SLC16A5: variants seen among roughly 807,000 people sequenced by gnomAD.
SLC16A5 encodes solute carrier family 16 member 5.
Under a neutral mutation model 33.2 loss-of-function variants are expected in SLC16A5, and 29 were observed. That is an observed-to-expected ratio of 0.87 (90% confidence interval 0.65 to 1.19). SLC16A5 has a LOEUF of 1.19. Among genes scored for constraint, SLC16A5 ranks in the 50% most tolerant of loss-of-function variants. The pLI is 0.00. For synonymous variants in SLC16A5, 248 were observed against 284.1 expected, an observed-to-expected ratio of 0.87 and a Z score of 1.28; for missense variants, 606 against 678.2, an observed-to-expected ratio of 0.89 and a Z score of 1.18.
chr17:75,100,700 G>A lies in SLC16A5; in HGVS notation c.1037G>A (p.Gly346Asp), dbSNP rs1046686603. Residue 346 changes from glycine to aspartate, a missense_variant, in exon 5 of 7, where the codon GGC becomes GAC. By Grantham distance (94) the Gly-to-Asp change is moderately conservative. Coordinates refer to ENST00000329783, the MANE Select transcript of SLC16A5 (RefSeq NM_004695.4). ...LAYSVSMSGI[G>D]ALIFQVLMDI... ...TACAGCGTGTCCATGAGTGGCATCG[G>A]CGCCCTCATCTTCCAGGTTCTCATG... 1 of 1,614,168 alleles carries A rather than the reference G, an allele frequency of 6.2e-7. No individual in the cohort carries two copies. Among genetic ancestry groups the A allele is most frequent in the African/African-American group, 1.3e-5 (1 of 75,028 alleles).
chr17:75,097,920 G>A, intron 3 of SLC16A5, 118 bp from the exon 4 acceptor site: 1 of 1,221,136 alleles, frequency 8.2e-7, no homozygotes, highest in South Asian at 1.6e-5. Context: ...ATCCAGGCCT[G>A]CTCGTGCCCT....
downstream of SLC16A5, among the ~76,000 whole-genome samples, chr17:75,107,146 A>C (rs2073869755): frequency 6.6e-6 from 1 of 152,058 alleles, no homozygotes; most frequent in Non-Finnish European, 1.5e-5. Context: ...CAAAAAATTT[A>C]AAACTTAGCT....
intron 3 of SLC16A5, among the ~76,000 whole-genome samples, chr17:75,094,092 G>A (rs555184518): frequency 2.0e-5 from 3 of 152,312 alleles, no homozygotes; most frequent in African/African-American, 7.2e-5. Context: ...GATCCATTCC[G>A]ACACAGGCGT....
intron 3 of SLC16A5, among the ~76,000 whole-genome samples, chr17:75,095,187 G>A (rs1191249242): frequency 6.6e-6 from 1 of 152,232 alleles, no homozygotes; most frequent in Non-Finnish European, 1.5e-5. Context: ...CTCGGAGAAA[G>A]CGCCACCCTC....
Position 75,105,976 on chromosome 17 carries a change from G to A in SLC16A5, c.1461G>A (p.Trp487Ter), listed in dbSNP as rs746083865. The change falls in exon 7 of 7, where the codon TGG (tryptophan) becomes TGA (stop). Residue 487 changes from tryptophan (W) to a stop codon, truncating the protein, a stop_gained. Transcript: ENST00000329783. LOFTEE classifies it low-confidence loss of function (END_TRUNC). Reference protein sequence around the residue: ...SSRTSHEWLLWPKAVLQAKQT... With the variant: ...SSRTSHEWLL ...GGACCAGCCATGAGTGGCTCTTATG[G>A]CCAAAGGCGGTACTGCAGGCCAAGC... 7 of 1,610,436 alleles carry A rather than the reference G, an allele frequency of 4.3e-6. No individual in the cohort carries two copies. The Admixed American group carries it at 8.4e-5, about 19-fold the overall frequency.
intron 2 of SLC16A5, among the ~76,000 whole-genome samples, chr17:75,091,002 C>G (rs1008408101): frequency 4.6e-5 from 7 of 152,196 alleles, no homozygotes; most frequent in Admixed American, 3.3e-4. Context: ...TTCTTCCTGG[C>G]AGAGCAAGAA....
rs751435102 is a variant in SLC16A5 at position 75,100,483 on chromosome 17, G to A, written c.820G>A (p.Ala274Thr). Residue 274 changes from alanine to threonine, a missense_variant, in exon 5 of 7, where the codon GCC (alanine) becomes ACC (threonine). By Grantham distance (58) the Ala-to-Thr change is moderately conservative. Transcript: ENST00000329783. ...MWHSVDEQQAALLISIIGFSN... is the reference protein window; with the variant it reads ...MWHSVDEQQATLLISIIGFSN... ...GCACAGCGTGGACGAGCAGCAGGCAGCCCTCCTCATCTCCATCATCGGCTT... is the reference window on the plus strand; with the variant it reads ...GCACAGCGTGGACGAGCAGCAGGCAACCCTCCTCATCTCCATCATCGGCTT... 11 of 1,614,228 alleles carry A rather than the reference G, an allele frequency of 6.8e-6. No homozygotes were observed. In the South Asian group the frequency reaches 1.2e-4, roughly 18 times the overall value.
chr17:75,102,254 A>G (rs1388051533), intron 5 of SLC16A5, among the ~76,000 whole-genome samples: 2 of 152,124 alleles, frequency 1.3e-5, no homozygotes, highest in Non-Finnish European at 2.9e-5. Flanking sequence ...TAAAAATACA[A>G]AAAATTAGCC....
downstream of SLC16A5, among the ~76,000 whole-genome samples, chr17:75,108,210 G>A (rs536150152): frequency 1.9e-3 from 289 of 152,308 alleles, 1 homozygote; most frequent in African/African-American, 6.2e-3. Context: ...GTCTGGGGCA[G>A]TTCCTGGGCA....
intron 5 of SLC16A5, among the ~76,000 whole-genome samples, chr17:75,102,454 C>T (rs112293248): frequency 0.025 from 3,769 of 152,250 alleles, 153 homozygotes; most frequent in African/African-American, 0.085. Context: ...CCTTCTAGGG[C>T]AGGAGTCAGG....
chr17:75,098,266 T>A, intron 4 of SLC16A5, 85 bp downstream of exon 4: 1 of 1,559,154 alleles, frequency 6.4e-7, no homozygotes, highest in Non-Finnish European at 8.7e-7. Flanking sequence ...GGCCTCTTAA[T>A]CTTCTGGAAC....
At chr17:75,096,461 C>G (rs1043906281) in intron 3 of SLC16A5, among the ~76,000 whole-genome samples, 3 of 151,268 alleles carry the variant, frequency 2.0e-5, no homozygotes, top group Non-Finnish European at 1.5e-5. Context: ...GGGGCAGAGA[C>G]GCCGGGCCAC....
intron 5 of SLC16A5, 46 bp from the exon 6 acceptor site, chr17:75,103,924 G>C (rs568080476): frequency 4.3e-5 from 66 of 1,552,514 alleles, no homozygotes; most frequent in Middle Eastern, 1.7e-4. Context: ...AGCTGAGTTG[G>C]GGGGAGGCCT....
chr17:75,105,825 G>A (rs1016355326), intron 6 of SLC16A5, 55 bp from the exon 7 acceptor site: 2 of 1,493,654 alleles, frequency 1.3e-6, no homozygotes, highest in Non-Finnish European at 1.8e-6. Context: ...GTTGATTCAG[G>A]CTCAACCAGG....
chr17:75,088,831 G>A (rs1472367965), intron 1 of SLC16A5: 1 of 152,222 alleles, frequency 6.6e-6, no homozygotes, highest in Non-Finnish European at 1.5e-5. Context: ...CGAGCTCCAG[G>A]GGCAGGGAAA....
At chr17:75,087,544 C>A (rs1226474960), upstream of SLC16A5, among the ~76,000 whole-genome samples, 2 of 152,166 alleles carry the variant, frequency 1.3e-5, no homozygotes, top group South Asian at 4.1e-4. Context: ...CACCGGCAGG[C>A]GCAGCCCTCA....
In SLC16A5 at chr17:75,093,764, G is replaced by C. The variant is rs1460680132; in HGVS notation, c.128G>C (p.Trp43Ser). Residue 43 changes from tryptophan to serine, a missense_variant, in exon 3 of 7, where the codon TGG becomes TCG. Coordinates refer to ENST00000329783, the MANE Select transcript of SLC16A5 (RefSeq NM_004695.4). Reference protein sequence around the residue: ...CIGIFFTELQWEFQASNSETS... With the variant: ...CIGIFFTELQSEFQASNSETS... ...GGCATCTTCTTCACTGAATTGCAAT[G>C]GGAGTTCCAGGCCAGCAACAGCGAG... 3.1e-6 allele frequency: 5 copies of C among 1,614,148 alleles called. No homozygotes were observed. Among genetic ancestry groups the C allele is most frequent in the Non-Finnish European group, 4.2e-6 (5 of 1,179,978 alleles).
At chr17:75,103,249 C>T (rs190307466) in intron 5 of SLC16A5, among the ~76,000 whole-genome samples, 177 of 152,044 alleles carry the variant, frequency 1.2e-3, no homozygotes, top group African/African-American at 4.1e-3. Context: ...TGGTCTCGAA[C>T]TCCTGACCTC....
At chr17:75,098,545 A>G (rs2073750161) in intron 4 of SLC16A5, among the ~76,000 whole-genome samples, 1 of 152,132 alleles carries the variant, frequency 6.6e-6, no homozygotes, top group Non-Finnish European at 1.5e-5. Flanking sequence ...GCAACAGAGC[A>G]AGACCCCATC....
Sources: gnomAD v4.1 joint callset for allele counts (sites outside exome capture counted in the v4.1 genomes callset) on GRCh38, gnomAD v4.1.1 for gene constraint, MANE v1.5 for transcripts, NCBI Gene and HGNC (gene_info 2026-07-23, HGNC 2026-07-21) for gene names.